Variants in ADD1 observed in about 807,000 individuals in gnomAD.
ADD1 encodes the protein alpha-adducin.
In ADD1, 24 loss-of-function variants were observed where a neutral mutation model predicts 80.5. The ratio of observed to expected loss-of-function variants is 0.30; its 90% confidence interval spans 0.22 to 0.42. The LOEUF (loss-of-function observed/expected upper bound fraction) is 0.42, where lower values mean the gene tolerates loss of function less well. Among genes scored for constraint, ADD1 ranks in the 10% least tolerant of loss-of-function variants. ADD1 has a pLI of 1.00. For synonymous variants in ADD1, 373 were observed against 393.8 expected (o/e 0.95, Z 0.63); for missense variants, 948 against 1,019.0 (o/e 0.93, Z 0.95).
At chr4:2,924,868 G>A (rs1340508601) in intron 14 of ADD1, among the ~76,000 whole-genome samples, 1 of 152,184 alleles carries the variant, frequency 6.6e-6, no homozygotes, top group Non-Finnish European at 1.5e-5. Flanking sequence ...TAGTTTCTGT[G>A]CACATGTACA....
intron 14 of ADD1, 46 bp from the exon 15 acceptor site, chr4:2,925,968 G>A: frequency 6.4e-7 from 1 of 1,563,994 alleles, no homozygotes; most frequent in Non-Finnish European, 8.8e-7. Context: ...CAGGCTCATG[G>A]CGTGGCGTCC....
intron 1 of ADD1, among the ~76,000 whole-genome samples, chr4:2,872,350 A>G (rs1730584125): frequency 6.6e-6 from 1 of 152,222 alleles, no homozygotes; most frequent in African/African-American, 2.4e-5. Flanking sequence ...TGAGATAGAG[A>G]AACATTCATC....
At chr4:2,912,407 G>C (rs1368270325) in intron 13 of ADD1, among the ~76,000 whole-genome samples, 4 of 152,218 alleles carry the variant, frequency 2.6e-5, no homozygotes, top group African/African-American at 4.8e-5. Context: ...CACCACTGGG[G>C]ACCTGCTGCG....
At chr4:2,907,286 C>T (rs1490253071) in intron 10 of ADD1, 1 of 155,842 alleles carries the variant, frequency 6.4e-6, no homozygotes, top group African/African-American at 2.4e-5. Flanking sequence ...GTGATGCCCA[C>T]TCTTGCCTCA....
chr4:2,883,124 A>G (rs778763560), intron 3 of ADD1, among the ~76,000 whole-genome samples: 1 of 152,124 alleles, frequency 6.6e-6, no homozygotes, highest in Non-Finnish European at 1.5e-5. Flanking sequence ...AGCCTCCCTA[A>G]GTGCTGGGAT....
In ADD1 at chr4:2,894,638, G is replaced by C; in HGVS notation, c.648G>C (p.Val216=). The change falls in exon 6 of 16, where the codon GTG becomes GTC. Residue 216 remains valine (V), a synonymous_variant. Transcript: ENST00000683351. ...ATCGTGGAAGCACTAATCTGGGAGT[G>C]AATCAGGCCGGCTTCACCTTACACT... ...IVDRGSTNLG[V]NQAGFTLHSA... is the part of the protein sequence containing the mutation. The C allele has an allele frequency of 6.2e-7, 1 of 1,610,508 alleles. No individual in the cohort carries two copies. The highest frequency in any genetic ancestry group is 8.5e-7 in the Non-Finnish European group (1 of 1,178,940).
At chr4:2,891,251 G>A (rs1734255333) in intron 4 of ADD1, among the ~76,000 whole-genome samples, 1 of 152,084 alleles carries the variant, frequency 6.6e-6, no homozygotes. Context: ...CCAGGAGTTT[G>A]AGACCAGCCT....
At chr4:2,847,270 A>C (rs1295144250) in intron 1 of ADD1, among the ~76,000 whole-genome samples, 1 of 151,532 alleles carries the variant, frequency 6.6e-6, no homozygotes, top group Non-Finnish European at 1.5e-5. Flanking sequence ...AAAATACAAA[A>C]ATTAGCTGGG....
intron 13 of ADD1, among the ~76,000 whole-genome samples, chr4:2,913,021 T>A (rs961293079): frequency 6.6e-6 from 1 of 152,048 alleles, no homozygotes; most frequent in Admixed American, 6.6e-5. Context: ...ATTTTTTTTG[T>A]ATTTTTAGTA....
At chr4:2,925,430 G>A (rs941931396) in intron 14 of ADD1, among the ~76,000 whole-genome samples, 4 of 152,210 alleles carry the variant, frequency 2.6e-5, no homozygotes, top group African/African-American at 4.8e-5. Flanking sequence ...TATTTTCCCC[G>A]AAATGAGAAG....
intron 1 of ADD1, among the ~76,000 whole-genome samples, chr4:2,851,650 C>T (rs1403417381): frequency 6.6e-6 from 1 of 152,140 alleles, no homozygotes; most frequent in Admixed American, 6.6e-5. Context: ...CAGATGATAC[C>T]ATTAATCAAG....
At position 2,894,628 on chromosome 4, in the gene ADD1, A is replaced by T; in HGVS notation, c.638A>T (p.Asn213Ile). 1 of 1,609,960 alleles carries T rather than the reference A, an allele frequency of 6.2e-7. No individual in the cohort carries two copies. The highest frequency in any genetic ancestry group is 8.5e-7 in the Non-Finnish European group (1 of 1,178,714). ...QGDIVDRGST[N>I]LGVNQAGFTL... ...GATATAGTAGATCGTGGAAGCACTAATCTGGGAGTGAATCAGGCCGGCTTC... is the reference window on the plus strand; with the variant it reads ...GATATAGTAGATCGTGGAAGCACTATTCTGGGAGTGAATCAGGCCGGCTTC... Residue 213 changes from asparagine (N) to isoleucine (I), a missense_variant, in exon 6 of 16, where the codon AAT becomes ATT. By Grantham distance (149) the Asn-to-Ile change is moderately radical. Transcript: ENST00000683351.
In ADD1 at chr4:2,898,216, C is replaced by A. The variant is rs1735579340; in HGVS notation, c.774C>A (p.Ile258=). The stretch of plus-strand genomic sequence containing the variant: ...CAATGAAATGTGGCCTCTTGCCAAT[C>A]TCCCCGGAGGCGCTTTCCCTTGGAG... ...VSAMKCGLLP[I]SPEALSLGEV... Residue 258 remains isoleucine, a synonymous_variant, in exon 7 of 16, where the codon ATC becomes ATA. Coordinates refer to ENST00000683351, the MANE Select transcript of ADD1 (RefSeq NM_001354761.2). 6.2e-7 allele frequency: 1 copy of A among 1,613,692 alleles called. No homozygotes were observed. Among genetic ancestry groups the A allele is most frequent in the African/African-American group, 1.3e-5 (1 of 74,858 alleles).
intron 10 of ADD1, among the ~76,000 whole-genome samples, chr4:2,906,032 T>C (rs1394729247): frequency 6.6e-6 from 1 of 152,212 alleles, no homozygotes; most frequent in African/African-American, 2.4e-5. Flanking sequence ...AGGAGTTCAG[T>C]TGAAATTAGA....
chr4:2,905,844 C>T (rs1014016102), intron 10 of ADD1: 4 of 152,398 alleles, frequency 2.6e-5, no homozygotes, highest in African/African-American at 9.7e-5. Flanking sequence ...AGAGGTGCTC[C>T]CATGTCGTGG....
chr4:2,878,164 A>G (rs1025191751), intron 2 of ADD1, among the ~76,000 whole-genome samples: 6 of 152,202 alleles, frequency 3.9e-5, no homozygotes, highest in African/African-American at 1.4e-4. Flanking sequence ...TTTCCATTGC[A>G]TTCTGTGTGT....
In ADD1 at chr4:2,926,323, A is replaced by G; in HGVS notation, c.2047+211A>G. On this transcript the variant is annotated intron_variant, in intron 15 of 15. Coordinates refer to ENST00000683351, the MANE Select transcript of ADD1 (RefSeq NM_001354761.2). This position sits in a 1 kb window ranked among gnomAD's most constrained non-coding sequence, Gnocchi z 5.0. ...GTATGTGAGCTGTGACCAGGTAGGA[A>G]GGCCGGCCTCGGGGGTCGGAACCCA... The G allele has an allele frequency of 2.8e-6, 2 of 712,098 alleles. No individual in the cohort carries two copies. Among genetic ancestry groups the G allele is most frequent in the Non-Finnish European group, 5.1e-6 (2 of 393,582 alleles). 44.1% of individuals were successfully genotyped at this position (712,098 alleles called of 1,614,324 possible).
intron 14 of ADD1, 130 bp from the exon 15 acceptor site, chr4:2,925,884 G>A: frequency 1.5e-6 from 1 of 676,038 alleles, no homozygotes; most frequent in Admixed American, 2.8e-5. Flanking sequence ...AGAGGATCAG[G>A]GAAAGGGTTG....
chr4:2,878,054 C>T (rs959524929), intron 2 of ADD1, among the ~76,000 whole-genome samples: 1 of 152,104 alleles, frequency 6.6e-6, no homozygotes, highest in African/African-American at 2.4e-5. Context: ...CCCACAGAGG[C>T]AGAAGGCAGC....
Sources: allele counts gnomAD v4.1 joint callset (sites outside exome capture counted in the v4.1 genomes callset), GRCh38; gene constraint gnomAD v4.1.1; non-coding constraint Gnocchi (gnomAD v3.1); transcripts MANE v1.5; gene names NCBI Gene and HGNC (gene_info 2026-07-23, HGNC 2026-07-21).